NRXN1: variants seen among roughly 807,000 people sequenced by gnomAD.
The protein encoded by NRXN1 is neurexin 1.
Under a neutral mutation model 150.9 loss-of-function variants are expected in NRXN1, and 39 were observed. The ratio of observed to expected loss-of-function variants is 0.26; its 90% CI spans 0.20 to 0.34. NRXN1 has a LOEUF of 0.34. Ranked by LOEUF, NRXN1 falls within the 10% of genes least tolerant of loss-of-function variation. The probability of loss-of-function intolerance (pLI) is 1.00; values close to 1 mark genes in which losing one functional copy is unlikely to be tolerated. For missense variants in NRXN1, 1,815 were observed against 1,949.9 expected, an observed-to-expected ratio of 0.93 and a Z score of 1.30; for synonymous variants, 924 against 757.0, an observed-to-expected ratio of 1.22 and a Z score of -3.62.
At chr2:49,949,922 A>C (rs995784980) in intron 21 of NRXN1, among the ~76,000 whole-genome samples, 1 of 151,846 alleles carries the variant, frequency 6.6e-6, no homozygotes, top group South Asian at 2.1e-4. Flanking sequence ...AGCGCTCTCA[A>C]GTGTGGTTTT....
chr2:50,024,399 C>T (rs1244789124), intron 21 of NRXN1, among the ~76,000 whole-genome samples: 1 of 152,086 alleles, frequency 6.6e-6, no homozygotes, highest in Admixed American at 6.5e-5. Flanking sequence ...AAAAGGTTTC[C>T]CCTTGGTCTT....
At chr2:50,966,541 C>T (rs1410661290) in intron 2 of NRXN1, among the ~76,000 whole-genome samples, 1 of 151,646 alleles carries the variant, frequency 6.6e-6, no homozygotes, top group African/African-American at 2.4e-5. Context: ...AGGTTAGATG[C>T]TTTAATGGGC....
rs150288251 is a variant in NRXN1 at position 50,230,382 on chromosome 2, T to A, written c.3546+6407A>T. 5.3e-5 allele frequency among the ~76,000 whole-genome samples: 8 copies of A among 152,134 alleles called. No homozygotes were observed. The East Asian group carries it at 1.6e-3, about 30-fold the overall frequency. On this transcript the variant is annotated intron_variant, in intron 18 of 22. Transcript: ENST00000401669. ...ACACGAAAAGGGAAAGAGATCAAAA[T>A]GCTGAAGACATTAAATTTTAGGTAC...
chr2:50,398,373 A>G (rs2082177892), intron 17 of NRXN1, among the ~76,000 whole-genome samples: 1 of 152,148 alleles, frequency 6.6e-6, no homozygotes, highest in African/African-American at 2.4e-5. Flanking sequence ...GAGTAACTAA[A>G]AAGGGTATAC....
chr2:50,711,137 C>G (rs1343541521), intron 5 of NRXN1, among the ~76,000 whole-genome samples: 1 of 152,134 alleles, frequency 6.6e-6, no homozygotes, highest in Non-Finnish European at 1.5e-5. Context: ...CCCTGCGTAG[C>G]AAACACTAGT....
intron 22 of NRXN1, among the ~76,000 whole-genome samples, chr2:49,933,888 G>T (rs186641733): frequency 6.6e-6 from 1 of 152,160 alleles, no homozygotes; most frequent in African/African-American, 2.4e-5. Flanking sequence ...TTATCTCCCC[G>T]GGAGTAGTTG....
At chr2:50,653,755 G>T (rs1685975438) in intron 5 of NRXN1, among the ~76,000 whole-genome samples, 1 of 151,906 alleles carries the variant, frequency 6.6e-6, no homozygotes, top group South Asian at 2.1e-4. Flanking sequence ...TAAGCATACT[G>T]ACCACATGAT....
chr2:50,744,911 T>A (rs1208403709), intron 5 of NRXN1, among the ~76,000 whole-genome samples: 1 of 151,970 alleles, frequency 6.6e-6, no homozygotes, highest in African/African-American at 2.4e-5. Context: ...AGAGAAAAAA[T>A]GATAACTGAA....
chr2:50,591,027 T>G (rs967161118), intron 8 of NRXN1, among the ~76,000 whole-genome samples: 9 of 152,156 alleles, frequency 5.9e-5, no homozygotes, highest in Admixed American at 1.3e-4. Context: ...TTTAACGTAG[T>G]GGTTGACAAA....
chr2:50,653,734 T>C (rs1402325386), intron 5 of NRXN1, among the ~76,000 whole-genome samples: 2 of 152,034 alleles, frequency 1.3e-5, no homozygotes, highest in African/African-American at 4.8e-5. Flanking sequence ...CATAAATATA[T>C]TGCTTTTACA....
At chr2:50,412,122 C>T (rs189211585) in intron 17 of NRXN1, among the ~76,000 whole-genome samples, 5,351 of 152,066 alleles carry the variant, frequency 0.035, 324 homozygotes, top group African/African-American at 0.12. Context: ...GCAGCATACT[C>T]ATTAAGTCAT....
At chr2:50,761,740 C>T (rs1701828042) in intron 5 of NRXN1, among the ~76,000 whole-genome samples, 1 of 151,726 alleles carries the variant, frequency 6.6e-6, no homozygotes, top group African/African-American at 2.4e-5. Context: ...GCAGACTCAC[C>T]CTCAATCTGG....
Position 50,829,523 on chromosome 2 carries a change from T to G in NRXN1, c.832+92346A>C, listed in dbSNP as rs986761561. On this transcript the variant is annotated intron_variant, in intron 5 of 22. Transcript: ENST00000401669. ...GAATCAAAAACAGCACAGTGGCAAGTGCGATGGCCTTATAAGGGATCTTAG... is the reference window on the plus strand; with the variant it reads ...GAATCAAAAACAGCACAGTGGCAAGGGCGATGGCCTTATAAGGGATCTTAG... 22 of 1,607,722 alleles carry G rather than the reference T, an allele frequency of 1.4e-5. No homozygotes were observed. In the African/African-American group the frequency reaches 2.9e-4, roughly 22 times the overall value.
intron 21 of NRXN1, among the ~76,000 whole-genome samples, chr2:50,020,579 AT>A (rs1405607669): frequency 1.3e-5 from 2 of 152,196 alleles, no homozygotes; most frequent in Non-Finnish European, 2.9e-5. Flanking sequence ...ATGTGCAATC[AT>A]ATTGTTTACT....
chr2:50,675,387 A>G (rs1574060238), intron 5 of NRXN1, among the ~76,000 whole-genome samples: 1 of 152,158 alleles, frequency 6.6e-6, no homozygotes, highest in East Asian at 1.9e-4. Context: ...ACATAGACAG[A>G]TTTCGAGAAT....
chr2:50,765,824 G>T (rs549722481), intron 5 of NRXN1, among the ~76,000 whole-genome samples: 24 of 152,028 alleles, frequency 1.6e-4, no homozygotes, highest in Non-Finnish European at 2.5e-4. Context: ...GCTCAACAGA[G>T]CTGAATCTAT....
chr2:50,330,839 G>A (rs1010080106), intron 17 of NRXN1, among the ~76,000 whole-genome samples: 1 of 152,130 alleles, frequency 6.6e-6, no homozygotes, highest in Non-Finnish European at 1.5e-5. Flanking sequence ...CATTAATAAA[G>A]CTGAAGGAAA....
intron 2 of NRXN1, among the ~76,000 whole-genome samples, chr2:50,972,028 G>A (rs777452406): frequency 4.6e-5 from 7 of 151,290 alleles, no homozygotes; most frequent in Non-Finnish European, 1.0e-4. Flanking sequence ...ATATCCTGGA[G>A]ACTCAAAATA....
intron 5 of NRXN1, among the ~76,000 whole-genome samples, chr2:50,786,064 G>T (rs1456093380): frequency 6.6e-6 from 1 of 152,046 alleles, no homozygotes; most frequent in South Asian, 2.1e-4. Flanking sequence ...AGAGATGTCA[G>T]GATGAGCAGA....
Sources: allele counts gnomAD v4.1 joint callset (sites outside exome capture counted in the v4.1 genomes callset), GRCh38; gene constraint gnomAD v4.1.1; transcripts MANE v1.5; gene names NCBI Gene and HGNC (gene_info 2026-07-23, HGNC 2026-07-21).